Variants in SLC36A2 observed in about 807,000 individuals in gnomAD.
SLC36A2 encodes solute carrier family 36 member 2, also known as proton-coupled amino acid transporter 2.
SLC36A2 carries 39 observed loss-of-function variants against 42.7 expected under a neutral mutation model. That is an observed-to-expected ratio of 0.91 (90% confidence interval 0.71 to 1.19). SLC36A2 has a LOEUF of 1.19. Among genes scored for constraint, SLC36A2 ranks in the 50% most tolerant of loss-of-function variants. The probability of loss-of-function intolerance (pLI) is 0.00; values close to 1 mark genes in which losing one functional copy is unlikely to be tolerated. For synonymous variants in SLC36A2, 237 were observed against 240.8 expected, an observed-to-expected ratio of 0.98 and a Z score of 0.15; for missense variants, 590 against 613.7, an observed-to-expected ratio of 0.96 and a Z score of 0.41.
In SLC36A2 at chr5:151,315,764, T is replaced by C. The variant is rs1176984355; in HGVS notation, c.*1053A>G. On this transcript the variant is annotated 3_prime_UTR_variant, in exon 10 of 10. Coordinates refer to ENST00000335244, the MANE Select transcript of SLC36A2 (RefSeq NM_181776.3). ...ATTTATGGTCATTTTTGCAATATTC[T>C]ACAAAATCTTGTTTGGCACACAGTA... The C allele has an allele frequency of 6.6e-6, 1 of 152,258 alleles. No homozygotes were observed. Among genetic ancestry groups the C allele is most frequent in the Non-Finnish European group, 1.5e-5 (1 of 68,038 alleles). The allele number at this position is 152,258 out of a possible 1,614,324, so 9.4% of individuals were successfully genotyped here. A position where few individuals can be genotyped will look rare whatever the true frequency, so the allele number is the denominator to read the frequency against.
At chr5:151,331,374 T>C (rs1755991344) in intron 7 of SLC36A2, among the ~76,000 whole-genome samples, 1 of 152,052 alleles carries the variant, frequency 6.6e-6, no homozygotes, top group South Asian at 2.1e-4. Flanking sequence ...TGGAGTGCTG[T>C]GGTACAATCA....
intron 4 of SLC36A2, among the ~76,000 whole-genome samples, chr5:151,340,205 A>AAGAGGT (rs1756296167): frequency 1.6e-5 from 2 of 123,804 alleles, no homozygotes; most frequent in African/African-American, 3.9e-5. Context: ...GGAGGAGGAG[A>AAGAGGT]GGAGGAGGAG....
chr5:151,333,911 G>A (rs772558414), intron 6 of SLC36A2, among the ~76,000 whole-genome samples: 1 of 152,136 alleles, frequency 6.6e-6, no homozygotes, highest in South Asian at 2.1e-4. Flanking sequence ...ACGAGCCCAC[G>A]AACACCTTTG....
chr5:151,320,719 A>T (rs1032591370), intron 9 of SLC36A2, among the ~76,000 whole-genome samples: 1 of 152,214 alleles, frequency 6.6e-6, no homozygotes, highest in African/African-American at 2.4e-5. Flanking sequence ...ATTGTTGCCG[A>T]TGGGGAATGT....
At chr5:151,320,215 G>T (rs1046596234) in intron 9 of SLC36A2, among the ~76,000 whole-genome samples, 1 of 152,054 alleles carries the variant, frequency 6.6e-6, no homozygotes, top group African/African-American at 2.4e-5. Context: ...TCTGTGTGAA[G>T]CAGCAGCCAC....
In SLC36A2 at chr5:151,316,637, G is replaced by A. The variant is rs767038166; in HGVS notation, c.*180C>T. 1.3e-4 allele frequency: 93 copies of A among 719,772 alleles called. 1 individual carries two copies. Among genetic ancestry groups the A allele is most frequent in the Non-Finnish European group, 2.0e-4 (91 of 454,144 alleles). 44.6% of individuals were successfully genotyped at this position (719,772 alleles called of 1,614,324 possible). ...TGCCTCTAATCCCAACTACTCGGGA[G>A]GCTGAGGCAGGAGAATCGCTTGAAC... On this transcript the variant is annotated 3_prime_UTR_variant, in exon 10 of 10. Coordinates refer to ENST00000335244, the MANE Select transcript of SLC36A2 (RefSeq NM_181776.3).
chr5:151,317,022 G>T lies in SLC36A2; in HGVS notation c.1247C>A (p.Thr416Asn), dbSNP rs61572410. ...CGGTGGGATGATGAGGGCCAGGGCG[G>T]TGCCACTCACGGAGCCCACCAGGGA... ...VISLVGSVSG[T>N]ALALIIPPLL... Residue 416 changes from threonine to asparagine, a missense_variant, in exon 10 of 10, where the codon ACC becomes AAC. Thr to Asn is a moderately conservative substitution (Grantham distance 65). Coordinates refer to ENST00000335244, the MANE Select transcript of SLC36A2 (RefSeq NM_181776.3). 1,765 of 1,614,108 alleles carry T rather than the reference G, an allele frequency of 1.1e-3. 16 individuals are homozygous for T. In the African/African-American group the frequency reaches 0.02, roughly 18 times the overall value.
chr5:151,327,982 C>T (rs1755897993), intron 7 of SLC36A2, among the ~76,000 whole-genome samples: 1 of 152,120 alleles, frequency 6.6e-6, no homozygotes, highest in Non-Finnish European at 1.5e-5. Flanking sequence ...TCAACTAATA[C>T]TAAGAATCAC....
rs1401696671 is a variant in SLC36A2, at chr5:151,316,801, A to G, written c.*16T>C. On this transcript the variant is annotated 3_prime_UTR_variant, in exon 10 of 10. Transcript: ENST00000335244. ...ATTAAAAGTCGGGTGCTGGTAGGCA[A>G]GGAGCAGTGCCAGGCTCACCGAACA... 4 of 1,607,956 alleles carry G rather than the reference A, an allele frequency of 2.5e-6. 1 individual carries two copies. Among genetic ancestry groups the G allele is most frequent in the Non-Finnish European group, 1.7e-6 (2 of 1,176,384 alleles).
At chr5:151,331,598 G>A (rs1755997645) in intron 7 of SLC36A2, among the ~76,000 whole-genome samples, 1 of 151,994 alleles carries the variant, frequency 6.6e-6, no homozygotes, top group Non-Finnish European at 1.5e-5. Flanking sequence ...GATTAAAGGT[G>A]TGAGCCACCA....
At position 151,342,887 on chromosome 5, in the gene SLC36A2, C is replaced by T. The variant is rs546263814; in HGVS notation, c.440+1G>A. On this transcript the variant is annotated splice_donor_variant, in intron 4 of 9. Transcript: ENST00000335244. LOFTEE classifies it high-confidence loss of function. ...CTGCAGGCAAAGCAAGAACAGGTTACCTTCCCCAGTGAGCGTGATTCTGGA... is the reference window on the plus strand; with the variant it reads ...CTGCAGGCAAAGCAAGAACAGGTTATCTTCCCCAGTGAGCGTGATTCTGGA... 6.2e-7 allele frequency: 1 copy of T among 1,613,924 alleles called. No individual in the cohort carries two copies. Among genetic ancestry groups the T allele is most frequent in the African/African-American group, 1.3e-5 (1 of 75,036 alleles).
At chr5:151,332,561 A>G (rs545163977) in intron 7 of SLC36A2, 49 of 391,166 alleles carry the variant, frequency 1.3e-4, no homozygotes, top group Admixed American at 1.1e-3. Flanking sequence ...GATGTGTGCA[A>G]CAGCATGGAC....
chr5:151,338,295 T>C (rs1756214029), intron 5 of SLC36A2, among the ~76,000 whole-genome samples: 1 of 152,260 alleles, frequency 6.6e-6, no homozygotes, highest in Non-Finnish European at 1.5e-5. Flanking sequence ...CTATTACCCA[T>C]ATTATTTTGC....
chr5:151,328,600 G>C (rs1337517641), intron 7 of SLC36A2, among the ~76,000 whole-genome samples: 1 of 152,180 alleles, frequency 6.6e-6, no homozygotes, highest in African/African-American at 2.4e-5. Flanking sequence ...GCAGCATTCT[G>C]GTGTATCAGT....
intron 4 of SLC36A2, among the ~76,000 whole-genome samples, chr5:151,342,609 C>G (rs1756378149): frequency 6.6e-6 from 1 of 152,174 alleles, no homozygotes. Context: ...TTCTCAGTCC[C>G]CATGACATGT....
chr5:151,327,200 T>A (rs1755877523), intron 7 of SLC36A2, among the ~76,000 whole-genome samples: 1 of 152,104 alleles, frequency 6.6e-6, no homozygotes, highest in Non-Finnish European at 1.5e-5. Flanking sequence ...TGTTATTTTT[T>A]AATACTGTGA....
intron 9 of SLC36A2, among the ~76,000 whole-genome samples, chr5:151,318,507 AAAT>A (rs1034194863): frequency 5.0e-5 from 5 of 100,674 alleles, no homozygotes; most frequent in African/African-American, 3.2e-4. Context: ...TAATAAAAAT[AAAT>A]AATAAATAAA....
rs148029298 is a variant in SLC36A2, at chr5:151,343,508, A to G, written c.344+2T>C. ...TTGACACAAGGAGGCTGTTTTCCTC[A>G]CCTCTTACAGAAGCGCTGGGCACAC... On this transcript the variant is annotated splice_donor_variant, in intron 3 of 9. Coordinates refer to ENST00000335244, the MANE Select transcript of SLC36A2 (RefSeq NM_181776.3). LOFTEE classifies it high-confidence loss of function. 3.2e-5 allele frequency: 51 copies of G among 1,614,004 alleles called. No individual in the cohort carries two copies. Among genetic ancestry groups the G allele is most frequent in the Non-Finnish European group, 4.2e-5 (49 of 1,179,988 alleles).
At chr5:151,341,352 G>T (rs1463224488) in intron 4 of SLC36A2, among the ~76,000 whole-genome samples, 1 of 152,190 alleles carries the variant, frequency 6.6e-6, no homozygotes, top group African/African-American at 2.4e-5. Flanking sequence ...TTACTCTTGT[G>T]AGTATGGGCT....
Sources: allele counts gnomAD v4.1 joint callset (sites outside exome capture counted in the v4.1 genomes callset), GRCh38; gene constraint gnomAD v4.1.1; transcripts MANE v1.5; gene names NCBI Gene and HGNC (gene_info 2026-07-23, HGNC 2026-07-21).